Variants in RALGPS1 observed in about 807,000 individuals in gnomAD.
The protein encoded by RALGPS1 is Ral GEF with PH domain and SH3 binding motif 1, also known as ras-specific guanine nucleotide-releasing factor RalGPS1.
In RALGPS1, 19 loss-of-function variants were observed where a neutral mutation model predicts 78.8. The ratio of observed to expected loss-of-function variants is 0.24; its 90% CI spans 0.17 to 0.35. The LOEUF is 0.35. Among genes scored for constraint, RALGPS1 ranks in the 10% least tolerant of loss-of-function variants. The pLI is 1.00. For missense variants in RALGPS1, 454 were observed against 688.3 expected (o/e 0.66, Z 3.81); for synonymous variants, 228 against 256.3 (o/e 0.89, Z 1.06).
chr9:126,923,571 GGGTCAGAAAATA>G (rs2034975295), intron 1 of RALGPS1, among the ~76,000 whole-genome samples: 1 of 152,220 alleles, frequency 6.6e-6, no homozygotes, highest in Non-Finnish European at 1.5e-5. Context: ...TCATGCTTAT[GGGTCAGAAAATA>G]CTGAACTTTC....
intron 8 of RALGPS1, among the ~76,000 whole-genome samples, chr9:127,076,446 AT>A (rs1254734944): frequency 6.6e-6 from 1 of 152,202 alleles, no homozygotes; most frequent in Non-Finnish European, 1.5e-5. Flanking sequence ...TTCTTAGTAA[AT>A]TTACCCAGAC....
chr9:127,119,808 A>AT lies in RALGPS1; in HGVS notation c.611-46253dup, dbSNP rs1189604005. On this transcript the variant is annotated intron_variant, in intron 8 of 18. Coordinates refer to ENST00000259351, the MANE Select transcript of RALGPS1 (RefSeq NM_014636.3). ...TGCCTCATTAGTAGTAAGTAGTCCC[A>AT]TTTTTTTTGCCAAGCTCATGAAGTC... Among the ~76,000 whole-genome samples the AT allele has an allele frequency of 9.2e-5, 14 of 151,880 alleles. No individual in the cohort carries two copies. In the South Asian group the frequency reaches 2.5e-3, roughly 27 times the overall value.
chr9:127,150,015 A>G (rs1766222), intron 8 of RALGPS1, among the ~76,000 whole-genome samples: 83,211 of 152,070 alleles, frequency 0.55, 23,458 homozygotes, highest in African/African-American at 0.66. Flanking sequence ...ATGGATCAGG[A>G]CCCAGACTCA....
intron 1 of RALGPS1, among the ~76,000 whole-genome samples, chr9:126,954,446 A>C (rs2038156147): frequency 6.6e-6 from 1 of 152,150 alleles, no homozygotes; most frequent in South Asian, 2.1e-4. Flanking sequence ...AGCCGAAGTG[A>C]TCTTCCAAAA....
chr9:127,001,529 G>T (rs2043308936), intron 4 of RALGPS1, among the ~76,000 whole-genome samples: 1 of 152,096 alleles, frequency 6.6e-6, no homozygotes, highest in South Asian at 2.1e-4. Context: ...TTACAACAGT[G>T]TATGTCTATT....
intron 8 of RALGPS1, among the ~76,000 whole-genome samples, chr9:127,072,361 C>T (rs1025511226): frequency 2.0e-5 from 3 of 152,220 alleles, no homozygotes; most frequent in Admixed American, 6.5e-5. Context: ...TACAGGTGCA[C>T]GCCACCACGT....
intron 4 of RALGPS1, among the ~76,000 whole-genome samples, chr9:127,009,818 C>T (rs1323468283): frequency 6.6e-6 from 1 of 152,138 alleles, no homozygotes; most frequent in Non-Finnish European, 1.5e-5. Flanking sequence ...CTCTGCCCTT[C>T]CCACTTTCTT....
chr9:126,999,162 T>TATA (rs377368618), intron 4 of RALGPS1, among the ~76,000 whole-genome samples: 10,903 of 150,802 alleles, frequency 0.072, 1,285 homozygotes, highest in African/African-American at 0.25. Flanking sequence ...AAACTTAAAG[T>TATA]ATAATAATAA....
rs1163152822 is a variant in RALGPS1, at chr9:127,154,402, C to T, written c.611-11667C>T. On this transcript the variant is annotated intron_variant, in intron 8 of 18. Coordinates refer to ENST00000259351, the MANE Select transcript of RALGPS1 (RefSeq NM_014636.3). ...CTCCCCATGAGGACTCACATCCTCT[C>T]ATCTCCGTTGAGAAAGGCAGGGAGA... is the stretch of plus-strand genomic sequence containing the variant. Among the ~76,000 whole-genome samples, 2 of 152,242 alleles carry T rather than the reference C, an allele frequency of 1.3e-5. 1 individual carries two copies. The highest frequency in any genetic ancestry group is 2.9e-5 in the Non-Finnish European group (2 of 68,050).
chr9:126,950,251 G>T (rs1209605981), intron 1 of RALGPS1, among the ~76,000 whole-genome samples: 30 of 152,288 alleles, frequency 2.0e-4, no homozygotes, highest in Non-Finnish European at 3.1e-4. Flanking sequence ...GTAGTGTGAT[G>T]CCTCCAGCTT....
chr9:127,074,026 T>G (rs1442343494), intron 8 of RALGPS1, among the ~76,000 whole-genome samples: 3 of 152,058 alleles, frequency 2.0e-5, no homozygotes, highest in Non-Finnish European at 4.4e-5. Context: ...GGATTACAGG[T>G]GCCTGCCACC....
chr9:126,952,681 C>G (rs9408979), intron 1 of RALGPS1, among the ~76,000 whole-genome samples: 7,137 of 64,464 alleles, frequency 0.11, 185 homozygotes, highest in East Asian at 0.34. Flanking sequence ...GTGTGTGTGT[C>G]TGTGTGTCTG....
At chr9:127,120,146 C>T (rs34521337) in intron 8 of RALGPS1, among the ~76,000 whole-genome samples, 12,033 of 152,226 alleles carry the variant, frequency 0.079, 652 homozygotes, top group Middle Eastern at 0.13. Flanking sequence ...TCTGCAACTC[C>T]GGGGCAAACC....
intron 11 of RALGPS1, among the ~76,000 whole-genome samples, chr9:127,175,245 A>G (rs1227872233): frequency 1.3e-5 from 2 of 152,132 alleles, no homozygotes; most frequent in Admixed American, 1.3e-4. Flanking sequence ...ACTGTCCCCT[A>G]GTGATTTGAG....
chr9:127,129,116 G>A (rs1054833272), intron 8 of RALGPS1, among the ~76,000 whole-genome samples: 3 of 152,142 alleles, frequency 2.0e-5, no homozygotes, highest in Non-Finnish European at 2.9e-5. Flanking sequence ...ACAATTTGCT[G>A]AGAATTTTAG....
Position 127,117,658 on chromosome 9 carries a change from T to C in RALGPS1, c.610+48302T>C, listed in dbSNP as rs577052903. 9.2e-5 allele frequency among the ~76,000 whole-genome samples: 14 copies of C among 152,246 alleles called. No individual in the cohort carries two copies. In the East Asian group the frequency reaches 2.5e-3, roughly 27 times the overall value. On this transcript the variant is annotated intron_variant, in intron 8 of 18. Coordinates refer to ENST00000259351, the MANE Select transcript of RALGPS1 (RefSeq NM_014636.3). ...AGAGGAATGGTGTGGCACCCTGGGG[T>C]AGAGAAGCTTGTTTGCTTGAGAGCC...
intron 4 of RALGPS1, among the ~76,000 whole-genome samples, chr9:127,024,296 C>A (rs1350310836): frequency 6.6e-6 from 1 of 151,614 alleles, no homozygotes; most frequent in Admixed American, 6.6e-5. Flanking sequence ...GAAAAACCTT[C>A]ACCTCAGTCC....
rs11380006 is a variant in RALGPS1, at chr9:127,002,433, CT to C, written c.216+24702del. On this transcript the variant is annotated intron_variant, in intron 4 of 18. Transcript: ENST00000259351. ...TATGAGTAGTGATACCACAAACATT[CT>C]TTTTTTTTTTTTTCTTTTTTTTTTA... is the stretch of plus-strand genomic sequence containing the variant. Among the ~76,000 whole-genome samples the C allele has an allele frequency of 5.8e-4, 68 of 117,418 alleles. 1 individual carries two copies. Among genetic ancestry groups the C allele is most frequent in the Middle Eastern group, 4.4e-3 (1 of 228 alleles). The allele number at this position is 117,418 out of a possible 152,430, so 77.0% of individuals were successfully genotyped here. A position where few individuals can be genotyped will look rare whatever the true frequency, so the allele number is the denominator to read the frequency against.
chr9:127,127,655 T>C (rs2056716820), intron 8 of RALGPS1, among the ~76,000 whole-genome samples: 1 of 152,238 alleles, frequency 6.6e-6, no homozygotes, highest in Admixed American at 6.5e-5. Flanking sequence ...TAGCTACTTG[T>C]GATGTGCTAG....
Sources: gnomAD v4.1 joint callset for allele counts (sites outside exome capture counted in the v4.1 genomes callset) on GRCh38, gnomAD v4.1.1 for gene constraint, MANE v1.5 for transcripts, NCBI Gene and HGNC (gene_info 2026-07-23, HGNC 2026-07-21) for gene names.